PPFIBP2: variants seen among roughly 807,000 people sequenced by gnomAD.
PPFIBP2 encodes liprin-beta-2.
Under a neutral mutation model 118.3 loss-of-function variants are expected in PPFIBP2, and 118 were observed. The observed-to-expected ratio is 1.00, with a 90% confidence interval of 0.86 to 1.16. The LOEUF is 1.16. Ranked by LOEUF, PPFIBP2 falls within the 50% of genes most tolerant of loss-of-function variation. The pLI, the probability that PPFIBP2 is intolerant of heterozygous loss-of-function variation, is 0.00. For synonymous variants in PPFIBP2, 414 were observed against 397.4 expected, an observed-to-expected ratio of 1.04 and a Z score of -0.50; for missense variants, 1,195 against 1,073.1, an observed-to-expected ratio of 1.11 and a Z score of -1.59.
intron 7 of PPFIBP2, among the ~76,000 whole-genome samples, chr11:7,623,780 A>G (rs1275034814): frequency 6.6e-6 from 1 of 152,240 alleles, no homozygotes; most frequent in Non-Finnish European, 1.5e-5. Flanking sequence ...GAGAGGTGCA[A>G]GAAAAGTTAA....
intron 6 of PPFIBP2, among the ~76,000 whole-genome samples, chr11:7,615,600 G>GAATTCTGAA (rs1169441489): frequency 5.3e-5 from 8 of 152,314 alleles, no homozygotes; most frequent in African/African-American, 1.7e-4. Context: ...TCTCCCAGCT[G>GAATTCTGAA]AATTCTGAAG....
At chr11:7,594,559 A>G (rs1391865026) in intron 4 of PPFIBP2, among the ~76,000 whole-genome samples, 1 of 152,168 alleles carries the variant, frequency 6.6e-6, no homozygotes, top group African/African-American at 2.4e-5. Context: ...AGGCAGGTGA[A>G]TCACCTGAGG....
At chr11:7,580,414 A>G (rs1439095937) in intron 3 of PPFIBP2, among the ~76,000 whole-genome samples, 3 of 152,196 alleles carry the variant, frequency 2.0e-5, no homozygotes, top group Non-Finnish European at 4.4e-5. Context: ...TCTCCTTTAC[A>G]GAGGGCATAG....
intron 1 of PPFIBP2, among the ~76,000 whole-genome samples, chr11:7,544,400 A>G (rs970089497): frequency 7.2e-5 from 11 of 152,112 alleles, no homozygotes; most frequent in South Asian, 4.1e-4. Context: ...TACAGTCCCC[A>G]TGGCACATTG....
chr11:7,629,335 CTT>C, intron 9 of PPFIBP2, 122 bp from the exon 10 acceptor site: 1 of 942,998 alleles, frequency 1.1e-6, no homozygotes, highest in East Asian at 2.5e-5. Context: ...CCTGGACACT[CTT>C]TTCCTTTGGT....
chr11:7,595,064 G>A (rs1860046570), intron 4 of PPFIBP2, among the ~76,000 whole-genome samples: 1 of 152,174 alleles, frequency 6.6e-6, no homozygotes, highest in Admixed American at 6.5e-5. Flanking sequence ...TTTACAGGAG[G>A]AAGCCAAGGA....
intron 3 of PPFIBP2, among the ~76,000 whole-genome samples, chr11:7,572,771 GTTTGT>G (rs774393684): frequency 6.6e-5 from 10 of 152,114 alleles, no homozygotes; most frequent in East Asian, 3.9e-4. Context: ...AGAATGTTTT[GTTTGT>G]TTTGTTTTGT....
Position 7,565,562 on chromosome 11 carries a change from C to T in PPFIBP2, c.74C>T (p.Thr25Ile), listed in dbSNP as rs757843520. ...QMDGIIAGTK[T>I]GADLSDGTCE... ...CTCTCTCTCATTGCAGGCACTAAAA[C>T]AGGTGCAGATCTTAGTGATGGTACT... is the stretch of plus-strand genomic sequence containing the variant. The change falls in exon 3 of 24, where the codon ACA becomes ATA. Residue 25 changes from threonine (T) to isoleucine (I), a missense_variant. Physicochemically the swap from Thr to Ile is moderately conservative, Grantham distance 89 (BLOSUM62 -1). Transcript: ENST00000299492. 33 of 1,614,074 alleles carry T rather than the reference C, an allele frequency of 2.0e-5. 1 individual carries two copies. In the East Asian group the frequency reaches 7.3e-4, roughly 36 times the overall value.
At chr11:7,565,928 G>T (rs767152250) in intron 3 of PPFIBP2, among the ~76,000 whole-genome samples, 161 bp downstream of exon 3, 1 of 152,078 alleles carries the variant, frequency 6.6e-6, no homozygotes, top group East Asian at 1.9e-4. Flanking sequence ...TCTTATCAAG[G>T]AGTATAGAGC....
intron 13 of PPFIBP2, among the ~76,000 whole-genome samples, chr11:7,635,313 A>T (rs1359391015): frequency 1.3e-5 from 2 of 152,026 alleles, no homozygotes; most frequent in African/African-American, 4.8e-5. Flanking sequence ...CTCTGCTCCC[A>T]TGGTCACGTG....
rs774052633 is a variant in PPFIBP2 at position 7,653,077 on chromosome 11, T to C, written c.2490T>C (p.Asp830=). Residue 830 remains aspartate, a synonymous_variant, in exon 24 of 24, where the codon GAT becomes GAC. Coordinates refer to ENST00000299492, the MANE Select transcript of PPFIBP2 (RefSeq NM_003621.5). ...GAAACATAAGAAAAAAGAAGTTCGA[T>C]GAATCGACGGACTACATTTGCCCAA... The part of the protein sequence containing the change: ...HFGNIRKKKF[D]ESTDYICPME... 3.1e-6 allele frequency: 5 copies of C among 1,613,372 alleles called. No homozygotes were observed. The African/African-American group carries it at 4.0e-5, about 13-fold the overall frequency.
chr11:7,664,284 G>C, the PPFIBP2 span, among the ~76,000 whole-genome samples: 2 of 152,188 alleles, frequency 1.3e-5, no homozygotes, highest in Admixed American at 1.3e-4. Flanking sequence ...GTATGCCGGA[G>C]AGGAAGGGCA....
In PPFIBP2 at chr11:7,649,545, T is replaced by G; in HGVS notation, c.2012T>G (p.Phe671Cys). 6.2e-7 allele frequency: 1 copy of G among 1,614,208 alleles called. No individual in the cohort carries two copies. The highest frequency in any genetic ancestry group is 8.5e-7 in the Non-Finnish European group (1 of 1,180,042). Residue 671 changes from phenylalanine (F) to cysteine (C), a missense_variant, in exon 21 of 24, where the codon TTC becomes TGC. Coordinates refer to ENST00000299492, the MANE Select transcript of PPFIBP2 (RefSeq NM_003621.5). ...TTCCTCTTTCAGAACGATTTACTCTTCTTAAAAGTCACCAGCCAACTACAT... is the reference window on the plus strand; with the variant it reads ...TTCCTCTTTCAGAACGATTTACTCTGCTTAAAAGTCACCAGCCAACTACAT... ...LQYLTVNDLL[F>C]LKVTSQLHHL...
intron 5 of PPFIBP2, among the ~76,000 whole-genome samples, chr11:7,604,304 T>G (rs538094163): frequency 6.6e-6 from 1 of 152,274 alleles, no homozygotes; most frequent in Non-Finnish European, 1.5e-5. Context: ...ATCTGAGAAA[T>G]GCAAGCTGCA....
chr11:7,596,832 A>G (rs1286851505), intron 4 of PPFIBP2, among the ~76,000 whole-genome samples: 1 of 152,212 alleles, frequency 6.6e-6, no homozygotes, highest in Admixed American at 6.5e-5. Flanking sequence ...TATGAAAACC[A>G]TTGTTAATAT....
chr11:7,589,218 G>A (rs1359078896), intron 3 of PPFIBP2, among the ~76,000 whole-genome samples: 1 of 152,154 alleles, frequency 6.6e-6, no homozygotes, highest in Non-Finnish European at 1.5e-5. Context: ...TCTGTGGATT[G>A]AGCATCCTTA....
chr11:7,644,598 T>C (rs1852698231), intron 17 of PPFIBP2, among the ~76,000 whole-genome samples: 1 of 152,118 alleles, frequency 6.6e-6, no homozygotes, highest in Admixed American at 6.5e-5. Flanking sequence ...CCTACACGCA[T>C]GGTGAGTCAG....
intron 22 of PPFIBP2, 167 bp downstream of exon 22, chr11:7,651,132 AT>A (rs1306132437): frequency 1.4e-6 from 1 of 693,694 alleles, no homozygotes; most frequent in African/African-American, 1.8e-5. Flanking sequence ...GTCCTTGAGA[AT>A]TAATATACCT....
intron 22 of PPFIBP2, chr11:7,651,271 A>G: frequency 3.0e-6 from 1 of 329,762 alleles, no homozygotes; most frequent in Non-Finnish European, 5.6e-6. Context: ...GGGACGGGGA[A>G]GCCGTAAAAA....
Sources: gnomAD v4.1 joint callset for allele counts (sites outside exome capture counted in the v4.1 genomes callset) on GRCh38, gnomAD v4.1.1 for gene constraint, MANE v1.5 for transcripts, NCBI Gene and HGNC (gene_info 2026-07-23, HGNC 2026-07-21) for gene names.